Variants in MINDY4B observed in about 807,000 individuals in gnomAD.
MINDY4B encodes the protein inactive ubiquitin carboxyl-terminal hydrolase MINDY-4B.
MINDY4B carries 25 observed loss-of-function variants against 16.7 expected under a neutral mutation model. The observed-to-expected ratio is 1.49, with a 90% CI of 1.09 to 2.09. The LOEUF (loss-of-function observed/expected upper bound fraction) is 2.09, where lower values mean the gene tolerates loss of function less well. Among genes scored for constraint, MINDY4B ranks in the 30% most tolerant of loss-of-function variants. MINDY4B has a pLI of 0.00. For missense variants in MINDY4B, 327 were observed against 168.4 expected (o/e 1.94, Z -5.21); for synonymous variants, 132 against 61.9 (o/e 2.13, Z -5.32).
At chr3:150,873,474 A>C (rs1169613746) in intron 10 of MINDY4B, 107 bp from the exon 11 acceptor site, 1 of 627,280 alleles carries the variant, frequency 1.6e-6, no homozygotes, top group East Asian at 2.7e-5. Context: ...TTCTTGTTGC[A>C]CTTGTCGCGT....
At chr3:150,874,398 G>C (rs1380996157) in intron 10 of MINDY4B, among the ~76,000 whole-genome samples, 1 of 152,194 alleles carries the variant, frequency 6.6e-6, no homozygotes, top group African/African-American at 2.4e-5. Context: ...CAGTGGTCCT[G>C]CAAACTTCTA....
intron 10 of MINDY4B, among the ~76,000 whole-genome samples, chr3:150,878,701 G>A (rs1391939594): frequency 1.3e-5 from 2 of 152,212 alleles, no homozygotes; most frequent in African/African-American, 2.4e-5. Context: ...CAGTTTGTGA[G>A]CAGGCATTTG....
intron 8 of MINDY4B, among the ~76,000 whole-genome samples, chr3:150,884,828 C>G (rs1711582428): frequency 6.6e-6 from 1 of 152,184 alleles, no homozygotes; most frequent in Admixed American, 6.5e-5. Flanking sequence ...CCTTCCTCCT[C>G]TGGAGCCCAC....
chr3:150,892,855 A>T (rs1711851289), intron 5 of MINDY4B, among the ~76,000 whole-genome samples: 1 of 150,928 alleles, frequency 6.6e-6, no homozygotes, highest in Non-Finnish European at 1.5e-5. Flanking sequence ...CAGGAGAATC[A>T]CTTGAACCTG....
chr3:150,883,872 T>C (rs1382556042), intron 8 of MINDY4B, 100 bp from the exon 9 acceptor site: 4 of 660,140 alleles, frequency 6.1e-6, no homozygotes, highest in Non-Finnish European at 1.1e-5. Context: ...TAACACGGGC[T>C]CTCCTAGTCA....
chr3:150,887,748 A>C (rs1711663706), intron 7 of MINDY4B, among the ~76,000 whole-genome samples: 1 of 152,224 alleles, frequency 6.6e-6, no homozygotes, highest in South Asian at 2.1e-4. Context: ...GAAAATCGAA[A>C]GGTTAAAACA....
At chr3:150,894,436 A>G (rs1711906644) in intron 3 of MINDY4B, 131 bp from the exon 4 acceptor site, 1 of 545,606 alleles carries the variant, frequency 1.8e-6, no homozygotes, top group African/African-American at 1.9e-5. Flanking sequence ...ATATTACTCT[A>G]GTCCCTGATT....
intron 7 of MINDY4B, among the ~76,000 whole-genome samples, chr3:150,886,449 G>A (rs1474365114): frequency 6.6e-6 from 1 of 152,198 alleles, no homozygotes; most frequent in Non-Finnish European, 1.5e-5. Flanking sequence ...AGAGAAATGG[G>A]GAGGGGTGAG....
chr3:150,893,305 CT>C lies in MINDY4B; in HGVS notation c.521+18del, dbSNP rs1209493469. On this transcript the variant is annotated intron_variant, in intron 5 of 11. Coordinates refer to ENST00000465419, the MANE Select transcript of MINDY4B (RefSeq NM_001351281.2). Reference sequence around the variant, plus strand: ...TCTAGTGAAATGGGTAATTCAAGTACTTCTCACAGTCCTCTTACTTGCCAAG... The same window carrying C: ...TCTAGTGAAATGGGTAATTCAAGTACTCTCACAGTCCTCTTACTTGCCAAG... The C allele has an allele frequency of 1.4e-6, 1 of 702,628 alleles. No homozygotes were observed. Among genetic ancestry groups the C allele is most frequent in the Admixed American group, 2.0e-5 (1 of 49,988 alleles). 43.5% of individuals were successfully genotyped at this position (702,628 alleles called of 1,614,324 possible).
chr3:150,889,459 G>C (rs547808227), intron 7 of MINDY4B, among the ~76,000 whole-genome samples: 1 of 152,286 alleles, frequency 6.6e-6, no homozygotes, highest in South Asian at 2.1e-4. Context: ...GCCCACCTGG[G>C]TCATCCAGGA....
intron 2 of MINDY4B, among the ~76,000 whole-genome samples, chr3:150,904,565 A>G (rs546641231): frequency 6.6e-6 from 1 of 152,312 alleles, no homozygotes; most frequent in Admixed American, 6.5e-5. Context: ...TAACCTTTTC[A>G]GTTTACATGA....
chr3:150,904,834 T>A lies in MINDY4B; in HGVS notation c.141+228A>T, dbSNP rs953252134. On this transcript the variant is annotated intron_variant, in intron 2 of 11. Transcript: ENST00000465419. ...CTTTTTTCCTAAAATAATAACCATA[T>A]GATGCTCTTAATGATACAAACATAG... 4.7e-4 allele frequency among the ~76,000 whole-genome samples: 72 copies of A among 152,224 alleles called. 2 individuals are homozygous for A. The highest frequency in any genetic ancestry group is 1.5e-5 in the Non-Finnish European group (1 of 68,042).
At position 150,880,909 on chromosome 3, in the gene MINDY4B, C is replaced by A. The variant is rs367715562; in HGVS notation, c.1059+1988G>T. On this transcript the variant is annotated intron_variant, in intron 10 of 11. Transcript: ENST00000465419. ...AAAAGAAAAATATGTAAAATGAAAT[C>A]TATAAATCCTCTATTTCTGGCTTAG... 6.6e-5 allele frequency among the ~76,000 whole-genome samples: 10 copies of A among 152,332 alleles called. 1 individual carries two copies. The highest frequency in any genetic ancestry group is 1.9e-4 in the East Asian group (1 of 5,186).
chr3:150,877,650 G>A (rs1214228677), intron 10 of MINDY4B, among the ~76,000 whole-genome samples: 1 of 152,124 alleles, frequency 6.6e-6, no homozygotes, highest in East Asian at 1.9e-4. Context: ...GCCAAACCAG[G>A]AGGTAAAGTG....
chr3:150,893,813 C>T (rs1258800126), intron 4 of MINDY4B, among the ~76,000 whole-genome samples: 1 of 152,074 alleles, frequency 6.6e-6, no homozygotes, highest in Non-Finnish European at 1.5e-5. Flanking sequence ...ACCTTAGCCT[C>T]CCGAGTAGCT....
chr3:150,873,446 A>G, intron 10 of MINDY4B, 79 bp from the exon 11 acceptor site: 1 of 649,192 alleles, frequency 1.5e-6, no homozygotes, highest in African/African-American at 1.8e-5. Flanking sequence ...GATCGCGACC[A>G]AAAAGCAGCT....
intron 10 of MINDY4B, among the ~76,000 whole-genome samples, chr3:150,874,983 C>T (rs1717056898): frequency 6.6e-6 from 1 of 152,158 alleles, no homozygotes; most frequent in Non-Finnish European, 1.5e-5. Flanking sequence ...CCTAGCACCC[C>T]AATCAGGACA....
chr3:150,871,203 C>A lies in MINDY4B; in HGVS notation c.1241-16G>T. 1.4e-6 allele frequency: 1 copy of A among 701,720 alleles called. No individual in the cohort carries two copies. The highest frequency in any genetic ancestry group is 2.7e-5 in the East Asian group (1 of 37,274). The allele number at this position is 701,720 out of a possible 1,614,324, so 43.5% of individuals were successfully genotyped here. A position where few individuals can be genotyped will look rare whatever the true frequency, so the allele number is the denominator to read the frequency against. On this transcript the variant is annotated splice_polypyrimidine_tract_variant and intron_variant, in intron 11 of 11. Transcript: ENST00000465419. ...GAGTGAGTATCTGAAGAAGGAATAGCCAGCATTTAGACCCAAGCCTATGAA... is the reference window on the plus strand; with the variant it reads ...GAGTGAGTATCTGAAGAAGGAATAGACAGCATTTAGACCCAAGCCTATGAA...
At chr3:150,886,012 G>T (rs1392139258) in intron 7 of MINDY4B, among the ~76,000 whole-genome samples, 1 of 152,098 alleles carries the variant, frequency 6.6e-6, no homozygotes, top group East Asian at 1.9e-4. Context: ...ACCTTCCTTG[G>T]TTCTTGGAAT....
Sources: gnomAD v4.1 joint callset for allele counts (sites outside exome capture counted in the v4.1 genomes callset) on GRCh38, gnomAD v4.1.1 for gene constraint, MANE v1.5 for transcripts, NCBI Gene and HGNC (gene_info 2026-07-23, HGNC 2026-07-21) for gene names.